FBN2: variants seen among roughly 807,000 people sequenced by gnomAD.
The protein encoded by FBN2 is fibrillin-2.
A neutral mutation model predicts 355.6 loss-of-function variants in FBN2; 105 were observed. That is an observed-to-expected ratio of 0.30 (90% CI 0.25 to 0.35). The LOEUF (loss-of-function observed/expected upper bound fraction) is 0.35, where lower values mean the gene tolerates loss of function less well. FBN2 is among the 10% of genes least tolerant of loss of function. FBN2 has a pLI of 1.00. For synonymous variants in FBN2, 1,350 were observed against 1,301.2 expected (o/e 1.04, Z -0.81); for missense variants, 3,280 against 3,758.7 (o/e 0.87, Z 3.33).
intron 46 of FBN2, 73 bp downstream of exon 46, chr5:128,302,900 A>T: frequency 1.2e-5 from 11 of 884,978 alleles, no homozygotes; most frequent in African/African-American, 1.7e-5. Context: ...TTTGTTCTTT[A>T]GTTTTGTTTT....
intron 5 of FBN2, among the ~76,000 whole-genome samples, chr5:128,475,673 A>G (rs934844070): frequency 2.0e-5 from 3 of 152,208 alleles, no homozygotes; most frequent in Admixed American, 1.3e-4. Context: ...GATATACTCA[A>G]CGAAAAAGCT....
intron 34 of FBN2, among the ~76,000 whole-genome samples, chr5:128,323,512 G>GCATCT (rs1750449551): frequency 6.6e-6 from 1 of 152,112 alleles, no homozygotes; most frequent in Admixed American, 6.6e-5. Context: ...CAAAGGCCTA[G>GCATCT]TTTTATCGAA....
At chr5:128,321,097 C>T (rs901473003) in intron 34 of FBN2, among the ~76,000 whole-genome samples, 22 of 152,218 alleles carry the variant, frequency 1.4e-4, no homozygotes, top group African/African-American at 5.1e-4. Flanking sequence ...TGTTTCATTG[C>T]TGATTGTTCT....
chr5:128,294,594 G>C (rs367966656), intron 48 of FBN2, among the ~76,000 whole-genome samples: 4 of 147,500 alleles, frequency 2.7e-5, no homozygotes, highest in Non-Finnish European at 4.5e-5. Flanking sequence ...GCCAGTGATG[G>C]TGAGCATTTT....
intron 5 of FBN2, among the ~76,000 whole-genome samples, chr5:128,469,919 G>A (rs909855305): frequency 6.6e-6 from 1 of 152,172 alleles, no homozygotes; most frequent in African/African-American, 2.4e-5. Flanking sequence ...AACAGGAGAC[G>A]TCCAGTGTGT....
In FBN2 at chr5:128,536,475, C is replaced by T. The variant is rs1167442198; in HGVS notation, c.264G>A (p.Val88=). The change falls in exon 2 of 65, where the codon GTG becomes GTA. Residue 88 remains valine (V), a synonymous_variant. Coordinates refer to ENST00000262464, the MANE Select transcript of FBN2 (RefSeq NM_001999.4). ...AGTAGGAGTGGAATCTGGAGCCGCA[C>T]ACGTTGGGCCTGTGATGGACAAGCG... ...GQQDVLRGPN[V]CGSRFHSYCC... is the part of the protein sequence containing the mutation. The T allele has an allele frequency of 6.2e-7, 1 of 1,613,644 alleles. No individual in the cohort carries two copies. The highest frequency in any genetic ancestry group is 8.5e-7 in the Non-Finnish European group (1 of 1,179,856).
intron 25 of FBN2, among the ~76,000 whole-genome samples, chr5:128,341,483 C>T (rs554757785): frequency 5.3e-5 from 8 of 152,318 alleles, no homozygotes; most frequent in African/African-American, 1.9e-4. Flanking sequence ...CCCTCCCCGT[C>T]AGCTATTGGT....
intron 4 of FBN2, among the ~76,000 whole-genome samples, chr5:128,527,396 A>T (rs1310194532): frequency 1.3e-5 from 2 of 152,148 alleles, no homozygotes; most frequent in African/African-American, 4.8e-5. Flanking sequence ...CTTAGTATTA[A>T]ATATATTTAA....
At chr5:128,296,922 G>A (rs1024651390) in intron 48 of FBN2, among the ~76,000 whole-genome samples, 1 of 151,966 alleles carries the variant, frequency 6.6e-6, no homozygotes, top group African/African-American at 2.4e-5. Flanking sequence ...TCTTTTAATT[G>A]TGATGTTAGG....
chr5:128,500,007 T>G (rs1317364369), intron 5 of FBN2, among the ~76,000 whole-genome samples: 1 of 152,172 alleles, frequency 6.6e-6, no homozygotes, highest in African/African-American at 2.4e-5. Context: ...GTTTCTTGAT[T>G]GAGTAATATG....
chr5:128,298,305 A>G (rs1392310329), intron 48 of FBN2, among the ~76,000 whole-genome samples: 2 of 151,376 alleles, frequency 1.3e-5, no homozygotes, highest in South Asian at 2.1e-4. Flanking sequence ...GAATCTGACA[A>G]TTATGTGTCT....
intron 8 of FBN2, among the ~76,000 whole-genome samples, chr5:128,397,007 T>A (rs776322096): frequency 1.4e-4 from 22 of 152,160 alleles, no homozygotes; most frequent in Non-Finnish European, 2.2e-4. Flanking sequence ...TTTTAAGCTA[T>A]CATAAAATAA....
intron 23 of FBN2, 98 bp from the exon 24 acceptor site, chr5:128,345,682 C>T (rs1380389086): frequency 9.1e-7 from 1 of 1,096,156 alleles, no homozygotes; most frequent in Non-Finnish European, 1.4e-6. Context: ...TCATGCAGGA[C>T]CCTTGCGGTG....
intron 48 of FBN2, among the ~76,000 whole-genome samples, chr5:128,299,848 C>T (rs921683623): frequency 2.6e-5 from 4 of 152,116 alleles, no homozygotes; most frequent in South Asian, 2.1e-4. Flanking sequence ...GGCTCCTCCC[C>T]CCTTAAACTT....
chr5:128,531,423 G>A (rs1009816620), intron 2 of FBN2, among the ~76,000 whole-genome samples: 1 of 151,906 alleles, frequency 6.6e-6, no homozygotes, highest in African/African-American at 2.4e-5. Context: ...AGAGTGGGAG[G>A]AGGTGAGGGA....
At chr5:128,405,542 C>T (rs1454985090) in intron 8 of FBN2, among the ~76,000 whole-genome samples, 1 of 152,112 alleles carries the variant, frequency 6.6e-6, no homozygotes, top group Non-Finnish European at 1.5e-5. Context: ...GTACGTTGGT[C>T]TTATCTGAAT....
At position 128,330,597 on chromosome 5, in the gene FBN2, T is replaced by A; in HGVS notation, c.4321A>T (p.Thr1441Ser). The change falls in exon 33 of 65, where the codon ACT (threonine) becomes TCT (serine). Residue 1441 changes from threonine (T) to serine (S), a missense_variant. This residue lies in a region of FBN2 where 2,284 missense variants were observed against 2,749.5 expected (regional missense o/e 0.83). Coordinates refer to ENST00000262464, the MANE Select transcript of FBN2 (RefSeq NM_001999.4). ...SYRCACSEGF[T>S]GDGFTCSDVD... is the part of the protein sequence containing the mutation. ...CCTGAGCAGGTAAAGCCATCACCAG[T>A]GAAACCTTCGGAGCAGGCACAGCGG... 1 of 1,614,068 alleles carries A rather than the reference T, an allele frequency of 6.2e-7. No homozygotes were observed. Among genetic ancestry groups the A allele is most frequent in the Non-Finnish European group, 8.5e-7 (1 of 1,179,966 alleles).
Position 128,338,891 on chromosome 5 carries a change from A to ATGG in FBN2, c.3472+41_3472+42insCCA, listed in dbSNP as rs751983938. ...TCATGCGCACGAATGAGTCTGTGCTAGTATGGTTTCAAGCTGGCGAGGAAG... is the reference window on the plus strand; with the variant it reads ...TCATGCGCACGAATGAGTCTGTGCTATGGGTATGGTTTCAAGCTGGCGAGGAAG... On this transcript the variant is annotated intron_variant, in intron 26 of 64. Transcript: ENST00000262464. 1.9e-6 allele frequency: 3 copies of ATGG among 1,608,090 alleles called. No homozygotes were observed. In the South Asian group the frequency reaches 3.3e-5, roughly 18 times the overall value.
intron 16 of FBN2, 39 bp from the exon 17 acceptor site, chr5:128,366,469 C>G (rs1751770055): frequency 7.8e-7 from 1 of 1,282,074 alleles, no homozygotes; most frequent in Admixed American, 1.7e-5. Context: ...AAAAACTTAA[C>G]TATACCTATT....
Sources: gnomAD v4.1 joint callset for allele counts (sites outside exome capture counted in the v4.1 genomes callset) on GRCh38, gnomAD v4.1.1 for gene constraint, gnomAD v4.1.1 regional missense constraint, MANE v1.5 for transcripts, NCBI Gene and HGNC (gene_info 2026-07-23, HGNC 2026-07-21) for gene names.